ZNF407: variants seen among roughly 807,000 people sequenced by gnomAD.
ZNF407 encodes the protein zinc finger protein 407.
In ZNF407, 17 loss-of-function variants were observed where a neutral mutation model predicts 131.2. That is an observed-to-expected ratio of 0.13 (90% confidence interval 0.09 to 0.19). The LOEUF (loss-of-function observed/expected upper bound fraction) is 0.19. Ranked by LOEUF, ZNF407 falls within the 10% of genes least tolerant of loss-of-function variation. The probability of loss-of-function intolerance (pLI) is 1.00; values close to 1 mark genes in which losing one functional copy is unlikely to be tolerated. For synonymous variants in ZNF407, 1,156 were observed against 1,062.0 expected (o/e 1.09, Z -1.72); for missense variants, 2,681 against 2,830.6 (o/e 0.95, Z 1.20).
intron 8 of ZNF407, among the ~76,000 whole-genome samples, chr18:74,971,685 CA>C (rs1288764287): frequency 1.3e-5 from 2 of 152,204 alleles, no homozygotes; most frequent in Admixed American, 6.5e-5. Flanking sequence ...TAGGAAGTTC[CA>C]AACTTTCCCA....
intron 4 of ZNF407, among the ~76,000 whole-genome samples, chr18:74,786,634 G>A (rs1969718029): frequency 6.6e-6 from 1 of 151,848 alleles, no homozygotes; most frequent in Non-Finnish European, 1.5e-5. Context: ...TGTTGCGTGG[G>A]GAAGGGGGTT....
chr18:74,820,812 C>T (rs1269515978), intron 4 of ZNF407, among the ~76,000 whole-genome samples: 2 of 151,788 alleles, frequency 1.3e-5, no homozygotes, highest in African/African-American at 2.4e-5. Flanking sequence ...GAAGATGTCA[C>T]GAAAATGGGG....
At chr18:74,684,393 A>C (rs1196696297) in intron 3 of ZNF407, among the ~76,000 whole-genome samples, 1 of 152,214 alleles carries the variant, frequency 6.6e-6, no homozygotes, top group East Asian at 1.9e-4. Context: ...TCTTTCTATG[A>C]ATCCTATTGA....
rs573035151 is a variant in ZNF407, at chr18:74,637,989, T to G, written c.4687+2283T>G. 3.9e-5 allele frequency among the ~76,000 whole-genome samples: 6 copies of G among 152,338 alleles called. No homozygotes were observed. The South Asian group carries it at 1.2e-3, about 32-fold the overall frequency. On this transcript the variant is annotated intron_variant, in intron 2 of 8. Coordinates refer to ENST00000299687, the MANE Select transcript of ZNF407 (RefSeq NM_017757.3). Reference sequence around the variant, plus strand: ...GGCAGTCTTCCCTTTCACATTACATTAGCAGGACTAAAAAACTTCGTTTTC... The same window carrying G: ...GGCAGTCTTCCCTTTCACATTACATGAGCAGGACTAAAAAACTTCGTTTTC...
At chr18:74,733,827 AT>A (rs1186846095) in intron 3 of ZNF407, among the ~76,000 whole-genome samples, 2 of 152,252 alleles carry the variant, frequency 1.3e-5, no homozygotes, top group Non-Finnish European at 2.9e-5. Flanking sequence ...TAAAGACATC[AT>A]CCTGCAGTTG....
intron 4 of ZNF407, among the ~76,000 whole-genome samples, chr18:74,797,483 A>G (rs928301740): frequency 6.6e-6 from 1 of 152,244 alleles, no homozygotes; most frequent in South Asian, 2.1e-4. Flanking sequence ...AGAGAGAATG[A>G]AACTGAATCT....
rs57556157 is a variant in ZNF407 at position 74,850,839 on chromosome 18, G to C, written c.4878-26358G>C. Among the ~76,000 whole-genome samples, 1,471 of 152,200 alleles carry C rather than the reference G, an allele frequency of 9.7e-3. 28 individuals are homozygous for C. The highest frequency in any genetic ancestry group is 0.034 in the African/African-American group (1,420 of 41,532). On this transcript the variant is annotated intron_variant, in intron 4 of 8. Coordinates refer to ENST00000299687, the MANE Select transcript of ZNF407 (RefSeq NM_017757.3). ...TTCCAACCACTAATAAAGAACTCTC[G>C]AGAGCACAAACTGGGTGTTTTCTTG...
intron 8 of ZNF407, among the ~76,000 whole-genome samples, chr18:74,981,873 A>G (rs191781647): frequency 1.3e-5 from 2 of 152,360 alleles, no homozygotes; most frequent in East Asian, 3.9e-4. Context: ...TGAAATTGAA[A>G]CTTACCCAAA....
At chr18:74,619,399 TTA>T (rs2144635814) in intron 1 of ZNF407, among the ~76,000 whole-genome samples, 1 of 152,348 alleles carries the variant, frequency 6.6e-6, no homozygotes, top group South Asian at 2.1e-4. Flanking sequence ...TGTAAATTTA[TTA>T]TATGTTTCTT....
intron 5 of ZNF407, among the ~76,000 whole-genome samples, chr18:74,878,602 T>C (rs1411970711): frequency 6.6e-6 from 1 of 152,138 alleles, no homozygotes; most frequent in Non-Finnish European, 1.5e-5. Context: ...TCTTGTAGTC[T>C]GCACCATAAT....
At chr18:74,903,452 C>T (rs1304668626) in intron 7 of ZNF407, among the ~76,000 whole-genome samples, 1 of 152,028 alleles carries the variant, frequency 6.6e-6, no homozygotes. Flanking sequence ...TTCTGTCTAC[C>T]ATTTTTACTG....
rs572184005 is a variant in ZNF407, at chr18:74,671,797, T to G, written c.4802+30675T>G. Among the ~76,000 whole-genome samples, 392 of 152,316 alleles carry G rather than the reference T, an allele frequency of 2.6e-3. 1 individual carries two copies. The highest frequency in any genetic ancestry group is 9.0e-3 in the African/African-American group (374 of 41,566). On this transcript the variant is annotated intron_variant, in intron 3 of 8. Coordinates refer to ENST00000299687, the MANE Select transcript of ZNF407 (RefSeq NM_017757.3). The stretch of plus-strand genomic sequence containing the variant: ...CTGGGCACTGTGATGTGGACACCTT[T>G]GGGGGTTCATTGTACTGCCTCCCAC...
At chr18:74,723,181 T>C (rs1968078968) in intron 3 of ZNF407, among the ~76,000 whole-genome samples, 2 of 152,190 alleles carry the variant, frequency 1.3e-5, no homozygotes, top group African/African-American at 4.8e-5. Context: ...TTTTTTCTTA[T>C]TTGTTGAGAT....
intron 8 of ZNF407, among the ~76,000 whole-genome samples, chr18:75,041,055 T>C (rs1973366723): frequency 6.6e-6 from 1 of 152,216 alleles, no homozygotes; most frequent in African/African-American, 2.4e-5. Flanking sequence ...AAGCATGCAC[T>C]ACGGGGCACT....
intron 8 of ZNF407, among the ~76,000 whole-genome samples, chr18:75,025,370 C>T (rs1018558386): frequency 6.6e-6 from 1 of 152,200 alleles, no homozygotes; most frequent in Non-Finnish European, 1.5e-5. Flanking sequence ...AAACTTTGAA[C>T]AATGTCAGTG....
chr18:74,854,158 G>A (rs577338774), intron 4 of ZNF407, among the ~76,000 whole-genome samples: 50 of 152,264 alleles, frequency 3.3e-4, no homozygotes, highest in African/African-American at 1.1e-3. Flanking sequence ...CAGGTGATAC[G>A]GGAGGCAGTG....
chr18:74,608,355 C>CTTTCTTTTTT, intron 1 of ZNF407, among the ~76,000 whole-genome samples: 1 of 146,586 alleles, frequency 6.8e-6, no homozygotes, highest in African/African-American at 2.5e-5. Context: ...TTTTAGATTT[C>CTTTCTTTTTT]TTTTTTTTTT....
chr18:74,620,303 A>G (rs1387320091), intron 1 of ZNF407, among the ~76,000 whole-genome samples: 1 of 152,138 alleles, frequency 6.6e-6, no homozygotes, highest in Non-Finnish European at 1.5e-5. Flanking sequence ...TTGCAGGCCA[A>G]ATTTGATTTG....
chr18:74,914,207 G>T (rs372300738), intron 7 of ZNF407, among the ~76,000 whole-genome samples: 1 of 152,198 alleles, frequency 6.6e-6, no homozygotes, highest in Admixed American at 6.5e-5. Context: ...CCTGCTCGTC[G>T]TGAGGAACGT....
Sources: allele counts gnomAD v4.1 joint callset (sites outside exome capture counted in the v4.1 genomes callset), GRCh38; gene constraint gnomAD v4.1.1; transcripts MANE v1.5; gene names NCBI Gene and HGNC (gene_info 2026-07-23, HGNC 2026-07-21).